KRT73: variants seen among roughly 807,000 people sequenced by gnomAD.
The protein encoded by KRT73 is keratin 73.
Under a neutral mutation model 47.2 loss-of-function variants are expected in KRT73, and 44 were observed. That is an observed-to-expected ratio of 0.93 (90% CI 0.73 to 1.20). KRT73 has a LOEUF of 1.20. KRT73 is among the 50% of genes most tolerant of loss of function. The pLI is 0.00. For missense variants in KRT73, 713 were observed against 704.5 expected (o/e 1.01, Z -0.14); for synonymous variants, 285 against 291.3 (o/e 0.98, Z 0.22).
At chr12:52,620,840 A>T (rs1440758521), upstream of KRT73, among the ~76,000 whole-genome samples, 1 of 151,980 alleles carries the variant, frequency 6.6e-6, no homozygotes, top group Non-Finnish European at 1.5e-5. Flanking sequence ...AACAGCATCT[A>T]TTATGTCAAT....
chr12:52,617,458 G>A (rs1009161903), intron 1 of KRT73, among the ~76,000 whole-genome samples: 1 of 152,194 alleles, frequency 6.6e-6, no homozygotes, highest in South Asian at 2.1e-4. Context: ...CGTTGCTGCT[G>A]CTGGTTCCAG....
In KRT73 at chr12:52,613,422, C is replaced by T. The variant is rs893934253; in HGVS notation, c.984+266G>A. 5.6e-5 allele frequency: 22 copies of T among 391,664 alleles called. 1 individual carries two copies. Among genetic ancestry groups the T allele is most frequent in the Middle Eastern group, 7.4e-4 (1 of 1,350 alleles). 24.3% of individuals were successfully genotyped at this position (391,664 alleles called of 1,614,324 possible). On this transcript the variant is annotated intron_variant, in intron 5 of 8. Coordinates refer to ENST00000305748, the MANE Select transcript of KRT73 (RefSeq NM_175068.3). ...AGGGAGTGGTTTCTGACCTGCCCCA[C>T]CTGGTCCTAGTTCCTCAGTCTGGAC...
chr12:52,617,891 T>A (rs1940842684), intron 1 of KRT73, among the ~76,000 whole-genome samples, 187 bp downstream of exon 1: 1 of 152,208 alleles, frequency 6.6e-6, no homozygotes, highest in Non-Finnish European at 1.5e-5. Flanking sequence ...GAAGGGGCTC[T>A]ACGGCATGAG....
rs555553903 is a variant in KRT73 at position 52,610,643 on chromosome 12, G to T, written c.1303C>A (p.Arg435Ser). The T allele has an allele frequency of 2.5e-6, 4 of 1,600,240 alleles. No homozygotes were observed. The highest frequency in any genetic ancestry group is 3.4e-5 in the Admixed American group (2 of 59,350). Reference sequence around the variant, plus strand: ...CACTCCTCGCCCTCCAGCAGCTTGCGGTAGGTGGCGATCTCAATATCCAGG... The same window carrying T: ...CACTCCTCGCCCTCCAGCAGCTTGCTGTAGGTGGCGATCTCAATATCCAGG... Reference protein sequence around the residue: ...LSLDIEIATYRKLLEGEECRM... With the variant: ...LSLDIEIATYSKLLEGEECRM... Residue 435 changes from arginine to serine, a missense_variant, in exon 7 of 9, where the codon CGC becomes AGC. Transcript: ENST00000305748.
At chr12:52,616,690 G>A (rs904649278) in intron 1 of KRT73, among the ~76,000 whole-genome samples, 1 of 152,122 alleles carries the variant, frequency 6.6e-6, no homozygotes, top group African/African-American at 2.4e-5. Flanking sequence ...CGATGTCCAT[G>A]TTCAGTCCAG....
upstream of KRT73, among the ~76,000 whole-genome samples, chr12:52,620,114 T>TTTC (rs1565632144): frequency 7.0e-6 from 1 of 143,050 alleles, no homozygotes; most frequent in East Asian, 2.0e-4. Context: ...TTTTTCTTTT[T>TTTC]TTTTTTTTTT....
chr12:52,626,616 G>T, the KRT73 span, among the ~76,000 whole-genome samples: 1 of 152,100 alleles, frequency 6.6e-6, no homozygotes, highest in Admixed American at 6.5e-5. Context: ...TCTTTGGGTG[G>T]CTGGCCATGT....
Position 52,618,518 on chromosome 12 carries a change from G to A in KRT73, c.7C>T (p.Arg3Cys), listed in dbSNP as rs76875855. The stretch of plus-strand genomic sequence containing the variant: ...GCTCCCGACTTGTAGGTGAATTGGC[G>A]GCTCATGGTGGGGAGGCCAGAAAGT... MS[R>C]QFTYKSGAAA... Residue 3 changes from arginine to cysteine, a missense_variant, in exon 1 of 9, where the codon CGC (arginine) becomes TGC (cysteine). Arg to Cys is a radical substitution (Grantham distance 180, BLOSUM62 -3). Coordinates refer to ENST00000305748, the MANE Select transcript of KRT73 (RefSeq NM_175068.3). The A allele has an allele frequency of 9.6e-4, 1,528 of 1,597,616 alleles. 55 individuals carry two copies. The East Asian group carries it at 0.032, about 33-fold the overall frequency.
Position 52,609,267 on chromosome 12 carries a change from T to C in KRT73, c.1346A>G (p.Tyr449Cys), listed in dbSNP as rs147241687. 3.5e-5 allele frequency: 57 copies of C among 1,613,670 alleles called. No individual in the cohort carries two copies. Among genetic ancestry groups the C allele is most frequent in the Non-Finnish European group, 4.7e-5 (55 of 1,179,700 alleles). ...EGEECRMSGEYTNSVSISVIN... is the reference protein window; with the variant it reads ...EGEECRMSGECTNSVSISVIN... ...CTCACAAATGCTCACGGAGTTGGTA[T>C]ATTCTCCGGACATCCTGCAAGAGAG... The change falls in exon 8 of 9, where the codon TAT (tyrosine) becomes TGT (cysteine). Residue 449 changes from tyrosine (Y) to cysteine (C), a missense_variant. Physicochemically the swap from Tyr to Cys is radical, Grantham distance 194. Transcript: ENST00000305748.
Position 52,614,851 on chromosome 12 carries a change from C to T in KRT73, c.724-177G>A, listed in dbSNP as rs1398531199. On this transcript the variant is annotated intron_variant, in intron 3 of 8. Transcript: ENST00000305748. ...GTCAGACTCACTGCGAAACCTGGGG[C>T]AAGTTTCTCATGCCTCTGGAACTCC... 1.0e-5 allele frequency: 6 copies of T among 571,896 alleles called. No individual in the cohort carries two copies. In the East Asian group the frequency reaches 1.8e-4, roughly 17 times the overall value. The allele number at this position is 571,896 out of a possible 1,614,324, so 35.4% of individuals were successfully genotyped here. A position where few individuals can be genotyped will look rare whatever the true frequency, so the allele number is the denominator to read the frequency against.
In KRT73 at chr12:52,610,792, C is replaced by T. The variant is rs1392459463; in HGVS notation, c.1154G>A (p.Gly385Glu). 1.9e-6 allele frequency: 3 copies of T among 1,613,476 alleles called. No individual in the cohort carries two copies. The highest frequency in any genetic ancestry group is 2.7e-5 in the African/African-American group (2 of 75,014). The part of the protein sequence containing the change: ...ETAIADAEQR[G>E]DCALKDARAK... Reference sequence around the variant, plus strand: ...CCTGGCATCCTTGAGGGCACAGTCCCCCCGCTGCTCGGCGTCAGCGATGGC... The same window carrying T: ...CCTGGCATCCTTGAGGGCACAGTCCTCCCGCTGCTCGGCGTCAGCGATGGC... Residue 385 changes from glycine (G) to glutamate (E), a missense_variant, in exon 7 of 9, where the codon GGG becomes GAG. Transcript: ENST00000305748.
upstream of KRT73, among the ~76,000 whole-genome samples, chr12:52,619,092 A>G (rs1000891100): frequency 2.6e-5 from 4 of 152,318 alleles, no homozygotes; most frequent in Admixed American, 1.3e-4. Context: ...GGAATCCAGG[A>G]CCAGCCTCTG....
Position 52,613,749 on chromosome 12 carries a change from G to T in KRT73, c.923C>A (p.Ala308Asp), listed in dbSNP as rs1248402181. Residue 308 changes from alanine to aspartate, a missense_variant, in exon 5 of 9, where the codon GCC becomes GAC. Transcript: ENST00000305748. ...CTTCCGGGCGATCTCCTCATACTGGGCACGGACCTCAGCAATGATGCTGTC... is the reference window on the plus strand; with the variant it reads ...CTTCCGGGCGATCTCCTCATACTGGTCACGGACCTCAGCAATGATGCTGTC... ...DLDSIIAEVR[A>D]QYEEIARKSK... The T allele has an allele frequency of 6.2e-7, 1 of 1,614,210 alleles. No homozygotes were observed. The highest frequency in any genetic ancestry group is 1.1e-5 in the South Asian group (1 of 91,078).
chr12:52,624,936 G>A, the KRT73 span, among the ~76,000 whole-genome samples: 1 of 151,204 alleles, frequency 6.6e-6, no homozygotes, highest in Non-Finnish European at 1.5e-5. Context: ...ATACAAATAG[G>A]CAAAACAAAA....
chr12:52,629,819 C>T, the KRT73 span, among the ~76,000 whole-genome samples: 1 of 152,200 alleles, frequency 6.6e-6, no homozygotes, highest in Non-Finnish European at 1.5e-5. Flanking sequence ...CGCATCAACT[C>T]CTGTATAGAG....
At chr12:52,626,706 C>T in the KRT73 span, among the ~76,000 whole-genome samples, 1 of 152,298 alleles carries the variant, frequency 6.6e-6, no homozygotes, top group Non-Finnish European at 1.5e-5. Flanking sequence ...CTCAGCTATG[C>T]TCTGCCTGCT....
intron 1 of KRT73, among the ~76,000 whole-genome samples, chr12:52,617,150 G>T (rs572578682): frequency 3.3e-4 from 50 of 152,250 alleles, no homozygotes; most frequent in Admixed American, 3.3e-3. Context: ...TGCTGCACGT[G>T]CTGTCTCCCT....
the KRT73 span, among the ~76,000 whole-genome samples, chr12:52,623,797 C>T: frequency 2.0e-5 from 3 of 151,900 alleles, no homozygotes; most frequent in East Asian, 5.8e-4. Flanking sequence ...TAATAAAATA[C>T]TCAGCAGCAC....
chr12:52,613,682 C>G lies in KRT73; in HGVS notation c.984+6G>C. On this transcript the variant is annotated splice_donor_region_variant and intron_variant, in intron 5 of 8. Coordinates refer to ENST00000305748, the MANE Select transcript of KRT73 (RefSeq NM_175068.3). ...TACTTCACTATGGGGAGTTTTGCGGCCTCACCTTGGTCTGGTACAGGGCCT... is the reference window on the plus strand; with the variant it reads ...TACTTCACTATGGGGAGTTTTGCGGGCTCACCTTGGTCTGGTACAGGGCCT... The G allele has an allele frequency of 6.2e-7, 1 of 1,613,954 alleles. No homozygotes were observed. Among genetic ancestry groups the G allele is most frequent in the Non-Finnish European group, 8.5e-7 (1 of 1,179,908 alleles).
Sources: gnomAD v4.1 joint callset for allele counts (sites outside exome capture counted in the v4.1 genomes callset) on GRCh38, gnomAD v4.1.1 for gene constraint, MANE v1.5 for transcripts, NCBI Gene and HGNC (gene_info 2026-07-23, HGNC 2026-07-21) for gene names.